The following CHD9 variants were observed in gnomAD, a reference collection of about 807,000 sequenced individuals.
CHD9 encodes the protein ATP-dependent chromatin remodeler CHD9.
CHD9 carries 77 observed loss-of-function variants against 316.1 expected under a neutral mutation model. The observed-to-expected ratio is 0.24, with a 90% CI of 0.20 to 0.29. CHD9 has a LOEUF of 0.29. Ranked by LOEUF, CHD9 falls within the 10% of genes least tolerant of loss-of-function variation. The pLI is 1.00. For missense variants in CHD9, 2,763 were observed against 3,438.1 expected (o/e 0.80, Z 4.91); for synonymous variants, 1,129 against 1,158.3 (o/e 0.97, Z 0.51).
At position 53,301,220 on chromosome 16, in the gene CHD9, C is replaced by T. The variant is rs527825559; in HGVS notation, c.5714-2500C>T. 1.4e-4 allele frequency among the ~76,000 whole-genome samples: 21 copies of T among 152,174 alleles called. 1 individual carries two copies. The South Asian group carries it at 2.1e-3, about 15-fold the overall frequency. ...ATGTCATGTTAAAATAAATTTCAAT[C>T]GCTTCTCTTAGCCTTTTGGCTAAGA... On this transcript the variant is annotated intron_variant, in intron 30 of 38. Coordinates refer to ENST00000447540, the MANE Select transcript of CHD9 (RefSeq NM_001308319.2).
chr16:53,129,135 T>C (rs2039101472), intron 1 of CHD9, among the ~76,000 whole-genome samples: 1 of 152,236 alleles, frequency 6.6e-6, no homozygotes, highest in Non-Finnish European at 1.5e-5. Context: ...ATAGCACTGC[T>C]CTTTAATGAC....
chr16:53,286,254 A>G lies in CHD9; in HGVS notation c.5100A>G (p.Ala1700=), dbSNP rs2053864248. The part of the protein sequence containing the change: ...HGYEKYNTIR[A]DPALCFLERV... ...ATGAAAAATATAACACTATTCGAGC[A>G]GACCCAGCATTATGCTTCTTGGAAA... The change falls in exon 26 of 39, where the codon GCA becomes GCG. Residue 1700 remains alanine (A), a synonymous_variant. Coordinates refer to ENST00000447540, the MANE Select transcript of CHD9 (RefSeq NM_001308319.2). 6.2e-7 allele frequency: 1 copy of G among 1,611,772 alleles called. No individual in the cohort carries two copies.
intron 1 of CHD9, among the ~76,000 whole-genome samples, chr16:53,088,735 T>G (rs1435684154): frequency 6.6e-6 from 1 of 152,004 alleles, no homozygotes; most frequent in African/African-American, 2.4e-5. Context: ...ATCCTAACAC[T>G]TTGGGAGGCC....
intron 2 of CHD9, among the ~76,000 whole-genome samples, chr16:53,175,026 A>G (rs929697399): frequency 6.6e-6 from 1 of 152,196 alleles, no homozygotes; most frequent in Admixed American, 6.5e-5. Flanking sequence ...AATCTTTTGT[A>G]TAGGGCTAAT....
At position 53,324,769 on chromosome 16, in the gene CHD9, A is replaced by G. The variant is rs769233719; in HGVS notation, c.8568A>G (p.Gly2856=). ...DSRIKDQEDK[G]GTEPSPLNEN... ...GAATTAAAGATCAGGAAGACAAAGGAGGAACTGAACCAAGTCCTCTCAATG... is the reference window on the plus strand; with the variant it reads ...GAATTAAAGATCAGGAAGACAAAGGGGGAACTGAACCAAGTCCTCTCAATG... Residue 2856 remains glycine (G), a synonymous_variant, in exon 39 of 39, where the codon GGA becomes GGG. Coordinates refer to ENST00000447540, the MANE Select transcript of CHD9 (RefSeq NM_001308319.2). 22 of 1,613,432 alleles carry G rather than the reference A, an allele frequency of 1.4e-5. No individual in the cohort carries two copies. The Admixed American group carries it at 3.7e-4, about 27-fold the overall frequency.
chr16:53,273,857 T>G (rs563353602), intron 23 of CHD9, 72 bp downstream of exon 23: 1 of 1,379,692 alleles, frequency 7.2e-7, no homozygotes, highest in Admixed American at 2.2e-5. Context: ...CTCTTTAAGC[T>G]TGCTGATTTT....
At chr16:53,093,723 A>C (rs1365691903) in intron 1 of CHD9, among the ~76,000 whole-genome samples, 2 of 152,234 alleles carry the variant, frequency 1.3e-5, no homozygotes, top group African/African-American at 4.8e-5. Context: ...GCTGAGGCTT[A>C]GAGAATTAAG....
At chr16:53,177,389 C>T (rs563001826) in intron 2 of CHD9, among the ~76,000 whole-genome samples, 6 of 152,058 alleles carry the variant, frequency 3.9e-5, no homozygotes, top group South Asian at 2.1e-4. Context: ...TTTGTTTGTA[C>T]GTCTGGATCT....
At chr16:53,246,212 G>A (rs187229554) in intron 15 of CHD9, among the ~76,000 whole-genome samples, 280 of 152,274 alleles carry the variant, frequency 1.8e-3, no homozygotes, top group African/African-American at 6.4e-3. Flanking sequence ...TTCTTGTGCT[G>A]TAATAATGTT....
chr16:53,192,962 A>C (rs981920045), intron 2 of CHD9, among the ~76,000 whole-genome samples: 9 of 151,992 alleles, frequency 5.9e-5, no homozygotes, highest in African/African-American at 2.2e-4. Flanking sequence ...TTTGTTAACC[A>C]TATGTTTTCA....
At chr16:53,165,352 C>G (rs891587536) in intron 2 of CHD9, among the ~76,000 whole-genome samples, 1 of 152,126 alleles carries the variant, frequency 6.6e-6, no homozygotes, top group African/African-American at 2.4e-5. Flanking sequence ...ATGACAAGTC[C>G]TCCACTATCC....
At chr16:53,086,747 C>T (rs752143739) in intron 1 of CHD9, among the ~76,000 whole-genome samples, 4 of 152,178 alleles carry the variant, frequency 2.6e-5, no homozygotes, top group Non-Finnish European at 4.4e-5. Flanking sequence ...CTCAGGTAGG[C>T]GGAATGAACC....
intron 3 of CHD9, among the ~76,000 whole-genome samples, chr16:53,222,377 G>A (rs2047321506): frequency 6.6e-6 from 1 of 152,074 alleles, no homozygotes; most frequent in Non-Finnish European, 1.5e-5. Context: ...TGGCCTACTT[G>A]ACTGCCTTTC....
rs2057491122 is a variant in CHD9 at position 53,324,937 on chromosome 16, T to G, written c.*42T>G. 1 of 1,476,922 alleles carries G rather than the reference T, an allele frequency of 6.8e-7. No individual in the cohort carries two copies. 91.5% of individuals were successfully genotyped at this position (1,476,922 alleles called of 1,614,324 possible). ...TTAAAATATGAACTGATTTTGGATTTTTTCTTTAATAATTAATTGTAAATA... is the reference window on the plus strand; with the variant it reads ...TTAAAATATGAACTGATTTTGGATTGTTTCTTTAATAATTAATTGTAAATA... On this transcript the variant is annotated 3_prime_UTR_variant, in exon 39 of 39. Coordinates refer to ENST00000447540, the MANE Select transcript of CHD9 (RefSeq NM_001308319.2).
chr16:53,168,164 C>G (rs924049168), intron 2 of CHD9, among the ~76,000 whole-genome samples: 1 of 151,992 alleles, frequency 6.6e-6, no homozygotes, highest in Non-Finnish European at 1.5e-5. Context: ...CGGGTTCGAA[C>G]AATTCTCCTG....
intron 1 of CHD9, among the ~76,000 whole-genome samples, chr16:53,131,531 C>A (rs981339030): frequency 2.0e-5 from 3 of 150,924 alleles, no homozygotes; most frequent in African/African-American, 7.3e-5. Flanking sequence ...TGCCCCCGCC[C>A]CCCGGCCCAC....
chr16:53,103,376 A>G (rs1712551116), intron 1 of CHD9, among the ~76,000 whole-genome samples: 1 of 152,126 alleles, frequency 6.6e-6, no homozygotes, highest in Non-Finnish European at 1.5e-5. Flanking sequence ...AGAAGAATTG[A>G]GTAGATAGCA....
intron 3 of CHD9, among the ~76,000 whole-genome samples, chr16:53,218,191 G>A (rs1053107671): frequency 2.0e-5 from 3 of 152,010 alleles, no homozygotes; most frequent in Admixed American, 1.3e-4. Context: ...ATCTGAAAAC[G>A]ATTTTTGCAT....
intron 19 of CHD9, among the ~76,000 whole-genome samples, chr16:53,261,948 A>G (rs1221958881): frequency 6.6e-6 from 1 of 152,220 alleles, no homozygotes; most frequent in Non-Finnish European, 1.5e-5. Flanking sequence ...TATCTTGAAT[A>G]TCAAAAAATG....
Sources: gnomAD v4.1 joint callset for allele counts (sites outside exome capture counted in the v4.1 genomes callset) on GRCh38, gnomAD v4.1.1 for gene constraint, MANE v1.5 for transcripts, NCBI Gene and HGNC (gene_info 2026-07-23, HGNC 2026-07-21) for gene names.